NDUFV3: variants seen among roughly 807,000 people sequenced by gnomAD.
NDUFV3 encodes NADH dehydrogenase [ubiquinone] flavoprotein 3, mitochondrial.
A neutral mutation model predicts 37.5 loss-of-function variants in NDUFV3; 44 were observed. That is an observed-to-expected ratio of 1.17 (90% confidence interval 0.92 to 1.51). The LOEUF (loss-of-function observed/expected upper bound fraction) is 1.51. Ranked by LOEUF, NDUFV3 falls within the 40% of genes most tolerant of loss-of-function variation. The probability of loss-of-function intolerance (pLI) is 0.00; values close to 1 mark genes in which losing one functional copy is unlikely to be tolerated. For missense variants in NDUFV3, 580 were observed against 580.4 expected, an observed-to-expected ratio of 1.00 and a Z score of 0.01; for synonymous variants, 235 against 239.3, an observed-to-expected ratio of 0.98 and a Z score of 0.17.
rs1180924543 is a variant in NDUFV3, at chr21:42,912,505, TC to T, written c.*3487del. ...CGGGCGCAGTGCCTCACGCCTGTAA[TC>T]CCAGCACTTTGGGAGGCTGAGGTGG... On this transcript the variant is annotated 3_prime_UTR_variant, in exon 4 of 4. Coordinates refer to ENST00000354250, the MANE Select transcript of NDUFV3 (RefSeq NM_021075.4). 1 of 152,516 alleles carries T rather than the reference TC, an allele frequency of 6.6e-6. No homozygotes were observed. Among genetic ancestry groups the T allele is most frequent in the Non-Finnish European group, 1.5e-5 (1 of 68,296 alleles). 9.4% of individuals were successfully genotyped at this position (152,516 alleles called of 1,614,324 possible). A position where few individuals can be genotyped will look rare whatever the true frequency, so the allele number is the denominator to read the frequency against.
In NDUFV3 at chr21:42,903,577, G is replaced by T; in HGVS notation, c.565G>T (p.Glu189Ter). ...SKGRGGLRKPEASHSFENRAP... is the reference protein window; with the variant it reads ...SKGRGGLRKP ...AGGCAGAGGGGGGCTTCGAAAACCA[G>T]AGGCCTCTCATTCCTTTGAAAACAG... The change falls in exon 3 of 4, where the codon GAG (glutamate) becomes TAG (stop). Residue 189 changes from glutamate (E) to a stop codon, truncating the protein, a stop_gained. Transcript: ENST00000354250. LOFTEE classifies it high-confidence loss of function. 1 of 1,613,936 alleles carries T rather than the reference G, an allele frequency of 6.2e-7. No homozygotes were observed.
chr21:42,906,156 G>A (rs139715292), intron 3 of NDUFV3, among the ~76,000 whole-genome samples: 15 of 152,292 alleles, frequency 9.8e-5, no homozygotes, highest in African/African-American at 3.6e-4. Flanking sequence ...GAGCCACTGC[G>A]CCCAGCTATG....
Position 42,903,610 on chromosome 21 carries a change from C to CT in NDUFV3, c.598_599insT (p.Arg200LeufsTer21). 6.2e-7 allele frequency: 1 copy of CT among 1,613,826 alleles called. No homozygotes were observed. Among genetic ancestry groups the CT allele is most frequent in the Non-Finnish European group, 8.5e-7 (1 of 1,179,990 alleles). On this transcript the variant is annotated frameshift_variant, in exon 3 of 4. Coordinates refer to ENST00000354250, the MANE Select transcript of NDUFV3 (RefSeq NM_021075.4). LOFTEE classifies it high-confidence loss of function. ...TCATTCCTTTGAAAACAGAGCCCCC[C>CT]GAGTTACAGTATCAGCAAAAGAGAA... is the stretch of plus-strand genomic sequence containing the variant.
chr21:42,893,892 G>A (rs1285180972), intron 1 of NDUFV3, among the ~76,000 whole-genome samples: 1 of 152,200 alleles, frequency 6.6e-6, no homozygotes, highest in Non-Finnish European at 1.5e-5. Flanking sequence ...GGAGAAGAAG[G>A]GCTTTCTTTT....
rs953437154 is a variant in NDUFV3 at position 42,893,309 on chromosome 21, G to A, written c.-25G>A. 3 of 1,536,946 alleles carry A rather than the reference G, an allele frequency of 2.0e-6. No individual in the cohort carries two copies. The South Asian group carries it at 3.6e-5, about 18-fold the overall frequency. ...GTGCGCGCGCAGCTGCTGTGGCCCT[G>A]CTTGGTGCGCCCGCTGTCACCGCCA... On this transcript the variant is annotated 5_prime_UTR_variant, in exon 1 of 4. Transcript: ENST00000354250.
At chr21:42,904,368 C>G (rs1330382794) in intron 3 of NDUFV3, 92 bp downstream of exon 3, 2 of 1,514,424 alleles carry the variant, frequency 1.3e-6, no homozygotes, top group South Asian at 1.2e-5. Flanking sequence ...AGCAGTGTTA[C>G]AATTAGTCAA....
At chr21:42,896,151 ATTTTT>A (rs143845594) in intron 1 of NDUFV3, among the ~76,000 whole-genome samples, 12 of 90,938 alleles carry the variant, frequency 1.3e-4, no homozygotes, top group Admixed American at 2.5e-4. Context: ...GCCTGGCTAA[ATTTTT>A]TTTTTTTTTT....
In NDUFV3 at chr21:42,903,336, A is replaced by G; in HGVS notation, c.324A>G (p.Thr108=). 6.2e-7 allele frequency: 1 copy of G among 1,614,228 alleles called. No homozygotes were observed. The highest frequency in any genetic ancestry group is 1.1e-5 in the South Asian group (1 of 91,082). The change falls in exon 3 of 4, where the codon ACA becomes ACG. Residue 108 remains threonine, a synonymous_variant. Transcript: ENST00000354250. Reference sequence around the variant, plus strand: ...GTCCCAGTGGCAGCGTGCTATTCACAGATGAAGGGGTTCCGAAATTTTTGT... The same window carrying G: ...GTCCCAGTGGCAGCGTGCTATTCACGGATGAAGGGGTTCCGAAATTTTTGT... The part of the protein sequence containing the change: ...SPSPSGSVLF[T]DEGVPKFLSR...
At position 42,903,595 on chromosome 21, in the gene NDUFV3, G is replaced by T; in HGVS notation, c.583G>T (p.Glu195Ter). 2 of 1,613,956 alleles carry T rather than the reference G, an allele frequency of 1.2e-6. No homozygotes were observed. The highest frequency in any genetic ancestry group is 1.7e-6 in the Non-Finnish European group (2 of 1,180,024). Reference sequence around the variant, plus strand: ...AAAACCAGAGGCCTCTCATTCCTTTGAAAACAGAGCCCCCCGAGTTACAGT... The same window carrying T: ...AAAACCAGAGGCCTCTCATTCCTTTTAAAACAGAGCCCCCCGAGTTACAGT... The part of the protein sequence containing the change: ...LRKPEASHSF[E>*]NRAPRVTVSA... Residue 195 changes from glutamate (E) to a stop codon, truncating the protein, a stop_gained, in exon 3 of 4, where the codon GAA becomes TAA. Coordinates refer to ENST00000354250, the MANE Select transcript of NDUFV3 (RefSeq NM_021075.4). LOFTEE classifies it high-confidence loss of function.
chr21:42,894,489 TTATATAA>T (rs1212186738), intron 1 of NDUFV3, among the ~76,000 whole-genome samples: 5 of 86,842 alleles, frequency 5.8e-5, no homozygotes, highest in East Asian at 2.4e-4. Context: ...ATTTATATAT[TTATATAA>T]TATATAATAT....
intron 1 of NDUFV3, 42 bp from the exon 2 acceptor site, chr21:42,896,873 AGCTATTATAATG>A: frequency 6.5e-7 from 1 of 1,550,020 alleles, no homozygotes. Context: ...ATATAGTACC[AGCTATTATAATG>A]GCATTACTCT....
At position 42,909,541 on chromosome 21, in the gene NDUFV3, A is replaced by G. The variant is rs1299612214; in HGVS notation, c.*520A>G. ...CTACTATGTGCAAGGAATTTTTCTT[A>G]AACTCTAAGGTTATGAATCACTGGG... On this transcript the variant is annotated 3_prime_UTR_variant, in exon 4 of 4. Transcript: ENST00000354250. 2 of 191,076 alleles carry G rather than the reference A, an allele frequency of 1.0e-5. No individual in the cohort carries two copies. Among genetic ancestry groups the G allele is most frequent in the African/African-American group, 4.7e-5 (2 of 42,256 alleles). 11.8% of individuals were successfully genotyped at this position (191,076 alleles called of 1,614,324 possible).
chr21:42,903,989 C>T lies in NDUFV3; in HGVS notation c.977C>T (p.Pro326Leu). 1.9e-6 allele frequency: 3 copies of T among 1,614,100 alleles called. No individual in the cohort carries two copies. The highest frequency in any genetic ancestry group is 2.5e-6 in the Non-Finnish European group (3 of 1,180,020). Residue 326 changes from proline (P) to leucine (L), a missense_variant, in exon 3 of 4, where the codon CCT becomes CTT. Pro to Leu is a moderately conservative substitution (Grantham distance 98, BLOSUM62 -3). Transcript: ENST00000354250. ...GCAGAGGGGCAGCTGCAAGCCAGTCCTCCTGGGGCGGCAGAGGGGCATCTG... is the reference window on the plus strand; with the variant it reads ...GCAGAGGGGCAGCTGCAAGCCAGTCTTCCTGGGGCGGCAGAGGGGCATCTG... ...ARAEGQLQAS[P>L]PGAAEGHLEK...
chr21:42,903,044 G>T (rs2058723536), intron 2 of NDUFV3, 138 bp from the exon 3 acceptor site: 1 of 1,231,868 alleles, frequency 8.1e-7, no homozygotes, highest in Non-Finnish European at 1.1e-6. Flanking sequence ...TGCTTGGTGG[G>T]TTTCTATGGG....
In NDUFV3 at chr21:42,896,218, A is replaced by G. The variant is rs1467254756; in HGVS notation, c.49-709A>G. 2.1e-5 allele frequency among the ~76,000 whole-genome samples: 3 copies of G among 139,652 alleles called. No individual in the cohort carries two copies. In the Admixed American group the frequency reaches 2.5e-4, roughly 11 times the overall value. The allele number at this position is 139,652 out of a possible 152,430, so 91.6% of individuals were successfully genotyped here. On this transcript the variant is annotated intron_variant, in intron 1 of 3. Transcript: ENST00000354250. ...GTCGCCCAGGCTAGAGTGCAGTGGCACGATCTTGGCTCACTGCAAGCTTCA... is the reference window on the plus strand; with the variant it reads ...GTCGCCCAGGCTAGAGTGCAGTGGCGCGATCTTGGCTCACTGCAAGCTTCA...
rs557389215 is a variant in NDUFV3, at chr21:42,907,657, G to A, written c.1265-1207G>A. Among the ~76,000 whole-genome samples, 6 of 152,064 alleles carry A rather than the reference G, an allele frequency of 3.9e-5. No homozygotes were observed. In the East Asian group the frequency reaches 1.2e-3, roughly 30 times the overall value. ...GTGGAGACAGGGTTTCACCTTGTTGGCCAGGCTGCTCTCAAACTCCTGGCC... is the reference window on the plus strand; with the variant it reads ...GTGGAGACAGGGTTTCACCTTGTTGACCAGGCTGCTCTCAAACTCCTGGCC... On this transcript the variant is annotated intron_variant, in intron 3 of 3. Coordinates refer to ENST00000354250, the MANE Select transcript of NDUFV3 (RefSeq NM_021075.4).
rs1428952864 is a variant in NDUFV3, at chr21:42,903,902, CA to C, written c.891del (p.Leu299CysfsTer62). Reference protein sequence around the residue: ...VKGPLPVHTKSGLSAPPKGSP... With the variant: ...VKGPLPVHTKXGLSAPPKGSP... ...GGACCCTTACCTGTCCACACAAAAT[CA>C]GGGTTGTCTGCGCCACCGAAGGGCA... On this transcript the variant is annotated frameshift_variant, in exon 3 of 4. Coordinates refer to ENST00000354250, the MANE Select transcript of NDUFV3 (RefSeq NM_021075.4). LOFTEE classifies it high-confidence loss of function. 6.2e-7 allele frequency: 1 copy of C among 1,611,400 alleles called. No individual in the cohort carries two copies. The highest frequency in any genetic ancestry group is 8.5e-7 in the Non-Finnish European group (1 of 1,178,884).
At chr21:42,901,560 C>G (rs935346159) in intron 2 of NDUFV3, among the ~76,000 whole-genome samples, 1 of 151,924 alleles carries the variant, frequency 6.6e-6, no homozygotes, top group Non-Finnish European at 1.5e-5. Flanking sequence ...GAGATTTGCA[C>G]CACTGCACTC....
At chr21:42,896,753 C>T (rs528020382) in intron 1 of NDUFV3, among the ~76,000 whole-genome samples, 174 bp from the exon 2 acceptor site, 14 of 152,110 alleles carry the variant, frequency 9.2e-5, no homozygotes, top group African/African-American at 3.1e-4. Flanking sequence ...GTCAGAGTAT[C>T]GCTTGGACCC....
Sources: allele counts gnomAD v4.1 joint callset (sites outside exome capture counted in the v4.1 genomes callset), GRCh38; gene constraint gnomAD v4.1.1; transcripts MANE v1.5; gene names NCBI Gene and HGNC (gene_info 2026-07-23, HGNC 2026-07-21).